Variants in AKAP19 observed in about 807,000 individuals in gnomAD.
The protein encoded by AKAP19 is small A-kinase anchoring protein.
At chr2:189,984,216 G>A in the AKAP19 span, among the ~76,000 whole-genome samples, 1 of 152,098 alleles carries the variant, frequency 6.6e-6, no homozygotes, top group Non-Finnish European at 1.5e-5. Context: ...AATAAGCCTG[G>A]GAGCACTATG....
chr2:189,883,863 GGTTTT>G, the AKAP19 span, among the ~76,000 whole-genome samples: 1 of 152,002 alleles, frequency 6.6e-6, no homozygotes, highest in African/African-American at 2.4e-5. Context: ...GTTTTGGTGA[GGTTTT>G]GTAGTATTGT....
the AKAP19 span, among the ~76,000 whole-genome samples, chr2:189,927,055 T>G: frequency 6.6e-6 from 1 of 151,984 alleles, no homozygotes; most frequent in African/African-American, 2.4e-5. Context: ...GGTTAATTTT[T>G]TTTATTTTTA....
At chr2:189,983,542 A>T in the AKAP19 span, among the ~76,000 whole-genome samples, 1 of 152,230 alleles carries the variant, frequency 6.6e-6, no homozygotes, top group Non-Finnish European at 1.5e-5. Context: ...ATATGCAAGG[A>T]AACGCAGTAA....
the AKAP19 span, among the ~76,000 whole-genome samples, chr2:190,006,934 C>T: frequency 6.6e-6 from 1 of 151,386 alleles, no homozygotes; most frequent in Admixed American, 6.6e-5. Context: ...GCAGGAGAAT[C>T]GCTTGAACTG....
chr2:190,185,234 A>G, the AKAP19 span, among the ~76,000 whole-genome samples: 1 of 152,248 alleles, frequency 6.6e-6, no homozygotes, highest in South Asian at 2.1e-4. Context: ...AAAGACTAAT[A>G]GAAATTGAAT....
At chr2:189,920,962 C>T in the AKAP19 span, among the ~76,000 whole-genome samples, 1 of 152,170 alleles carries the variant, frequency 6.6e-6, no homozygotes, top group Non-Finnish European at 1.5e-5. Flanking sequence ...TGCTACACCT[C>T]CATCTACTTT....
At chr2:189,937,918 A>C in the AKAP19 span, among the ~76,000 whole-genome samples, 1 of 152,248 alleles carries the variant, frequency 6.6e-6, no homozygotes, top group Non-Finnish European at 1.5e-5. Flanking sequence ...CTGTATACCC[A>C]AAAGAAAGGA....
the AKAP19 span, among the ~76,000 whole-genome samples, chr2:190,086,760 G>T: frequency 1.2e-3 from 182 of 152,340 alleles, 1 homozygote; most frequent in Middle Eastern, 0.014. Flanking sequence ...TATGAAAGGA[G>T]TTGCTCAGAG....
At chr2:189,906,413 T>C in the AKAP19 span, among the ~76,000 whole-genome samples, 1 of 152,112 alleles carries the variant, frequency 6.6e-6, no homozygotes, top group South Asian at 2.1e-4. Context: ...TCTAGTCTTT[T>C]TGACATATTT....
chr2:190,180,988 C>T, the AKAP19 span: 3 of 985,698 alleles, frequency 3.0e-6, no homozygotes, highest in Non-Finnish European at 3.6e-6. This position sits in a 1 kb window ranked among gnomAD's most constrained non-coding sequence, Gnocchi z 6.8. Context: ...AAGCCCCCCT[C>T]CCACGACAGG....
At chr2:190,118,886 A>G in the AKAP19 span, among the ~76,000 whole-genome samples, 17 of 152,310 alleles carry the variant, frequency 1.1e-4, no homozygotes, top group South Asian at 6.2e-4. Flanking sequence ...GGCAGGAGAA[A>G]GAAATAAAGG....
chr2:190,166,913 A>G, the AKAP19 span, among the ~76,000 whole-genome samples: 2 of 151,948 alleles, frequency 1.3e-5, no homozygotes, highest in Non-Finnish European at 2.9e-5. Flanking sequence ...AAAAAGAAAG[A>G]AAAATGAATG....
chr2:190,021,698 G>T, the AKAP19 span, among the ~76,000 whole-genome samples: 1 of 152,148 alleles, frequency 6.6e-6, no homozygotes, highest in African/African-American at 2.4e-5. Context: ...TTTGCTAATG[G>T]GCAGCATTTG....
At chr2:190,059,227 T>G in the AKAP19 span, among the ~76,000 whole-genome samples, 3 of 151,922 alleles carry the variant, frequency 2.0e-5, no homozygotes, top group Admixed American at 6.6e-5. Flanking sequence ...GTGATCACAT[T>G]AAGTATTTGA....
At chr2:190,184,238 A>G in the AKAP19 span, among the ~76,000 whole-genome samples, 1 of 152,216 alleles carries the variant, frequency 6.6e-6, no homozygotes, top group Non-Finnish European at 1.5e-5. Flanking sequence ...GGAGTAACAG[A>G]TATGTGACCC....
At chr2:189,962,387 G>A in the AKAP19 span, among the ~76,000 whole-genome samples, 3 of 152,136 alleles carry the variant, frequency 2.0e-5, no homozygotes, top group Admixed American at 1.3e-4. Context: ...CTGTCATTAA[G>A]TGACACATGG....
chr2:189,989,303 T>C, the AKAP19 span, among the ~76,000 whole-genome samples: 3 of 149,770 alleles, frequency 2.0e-5, no homozygotes, highest in South Asian at 2.1e-4. Context: ...AAAAAAGGAG[T>C]AGAGCAAAGG....
At chr2:190,093,448 C>A in the AKAP19 span, among the ~76,000 whole-genome samples, 152,030 of 152,166 alleles carry the variant, frequency 1, 75,947 homozygotes, top group Middle Eastern at 1. Context: ...AAAAAGAAAA[C>A]AAGTAATTAA....
chr2:189,930,034 G>A, the AKAP19 span, among the ~76,000 whole-genome samples: 2 of 152,244 alleles, frequency 1.3e-5, no homozygotes, highest in Admixed American at 6.5e-5. Flanking sequence ...TCTAAATACA[G>A]TTATATTTTT....
Sources: gnomAD v4.1 joint callset for allele counts (sites outside exome capture counted in the v4.1 genomes callset) on GRCh38, gnomAD v4.1.1 for gene constraint, Gnocchi (gnomAD v3.1) non-coding constraint, MANE v1.5 for transcripts, NCBI Gene and HGNC (gene_info 2026-07-23, HGNC 2026-07-21) for gene names.